SH3BP4: variants seen among roughly 807,000 people sequenced by gnomAD.
The protein encoded by SH3BP4 is SH3 domain-binding protein 4.
SH3BP4 carries 33 observed loss-of-function variants against 65.5 expected under a neutral mutation model. That is an observed-to-expected ratio of 0.50 (90% CI 0.38 to 0.67). The LOEUF is 0.67. Ranked by LOEUF, SH3BP4 falls within the 30% of genes least tolerant of loss-of-function variation. The pLI, the probability that SH3BP4 is intolerant of heterozygous loss-of-function variation, is 0.00. For missense variants in SH3BP4, 1,134 were observed against 1,261.4 expected, an observed-to-expected ratio of 0.90 and a Z score of 1.53; for synonymous variants, 552 against 545.5, an observed-to-expected ratio of 1.01 and a Z score of -0.17.
chr2:234,982,659 C>T (rs781454570), intron 1 of SH3BP4, among the ~76,000 whole-genome samples: 9 of 152,010 alleles, frequency 5.9e-5, no homozygotes, highest in Non-Finnish European at 1.0e-4. Flanking sequence ...AGTTTTTGCA[C>T]AGGCAGGGAG....
intron 1 of SH3BP4, among the ~76,000 whole-genome samples, chr2:234,990,415 C>T (rs1693712655): frequency 6.6e-6 from 1 of 152,224 alleles, no homozygotes. Context: ...CAACACCAGC[C>T]TAACATTGCT....
intron 2 of SH3BP4, among the ~76,000 whole-genome samples, chr2:235,022,064 C>T (rs886161936): frequency 3.3e-5 from 5 of 152,036 alleles, no homozygotes; most frequent in Admixed American, 6.6e-5. Context: ...TCAAGGGAGG[C>T]CTTTCTGTGC....
chr2:234,998,348 C>A (rs932742177), intron 2 of SH3BP4, among the ~76,000 whole-genome samples: 2 of 151,848 alleles, frequency 1.3e-5, no homozygotes, highest in Non-Finnish European at 2.9e-5. Context: ...AATTTTTTTT[C>A]TTGGGATTGT....
At position 235,042,641 on chromosome 2, in the gene SH3BP4, G is replaced by T. The variant is rs1474415523; in HGVS notation, c.1872G>T (p.Arg624Ser). Residue 624 changes from arginine to serine, a missense_variant, in exon 4 of 6, where the codon AGG becomes AGT. Transcript: ENST00000392011. This position sits in a 1 kb window ranked among gnomAD's most constrained non-coding sequence, Gnocchi z 7.3. ...KSAIKPSGQR[R>S]FLKKNEVGKI... ...CCATCAAGCCTTCCGGGCAAAGGAGGTTTCTCAAGAAGAACGAAGTCGGGA... is the reference window on the plus strand; with the variant it reads ...CCATCAAGCCTTCCGGGCAAAGGAGTTTTCTCAAGAAGAACGAAGTCGGGA... 1 of 1,614,146 alleles carries T rather than the reference G, an allele frequency of 6.2e-7. No homozygotes were observed. The highest frequency in any genetic ancestry group is 1.3e-5 in the African/African-American group (1 of 75,046).
At chr2:234,970,107 TCACA>T (rs1230424470) in intron 1 of SH3BP4, among the ~76,000 whole-genome samples, 2 of 151,274 alleles carry the variant, frequency 1.3e-5, no homozygotes, top group South Asian at 2.1e-4. Context: ...ATACACTCAC[TCACA>T]CACACTCTCA....
At chr2:234,982,042 G>T (rs573086108) in intron 1 of SH3BP4, among the ~76,000 whole-genome samples, 30 of 152,246 alleles carry the variant, frequency 2.0e-4, no homozygotes, top group Admixed American at 3.9e-4. Context: ...GGTCCAGGTT[G>T]AGCAAATACA....
rs147135568 is a variant in SH3BP4 at position 234,974,351 on chromosome 2, G to A, written c.-206-20952G>A. Among the ~76,000 whole-genome samples, 916 of 151,972 alleles carry A rather than the reference G, an allele frequency of 6.0e-3. 10 individuals are homozygous for A. The highest frequency in any genetic ancestry group is 0.021 in the African/African-American group (864 of 41,416). ...TTGCACTCCAGCCTGGGCAAAGAGC[G>A]AAACTCTGTCTAAAAAAAAATAAAT... On this transcript the variant is annotated intron_variant, in intron 1 of 5. Coordinates refer to ENST00000392011, the MANE Select transcript of SH3BP4 (RefSeq NM_014521.3). The surrounding 1 kb of genome is among the most constrained non-coding windows in gnomAD (Gnocchi z 4.6).
At chr2:234,975,339 G>T (rs1236938517) in intron 1 of SH3BP4, among the ~76,000 whole-genome samples, 1 of 152,158 alleles carries the variant, frequency 6.6e-6, no homozygotes, top group Non-Finnish European at 1.5e-5. Flanking sequence ...GCCTGGCGAG[G>T]TGCAGGCACT....
Position 235,045,840 on chromosome 2 carries a change from G to A in SH3BP4, c.2478+2593G>A, listed in dbSNP as rs893121381. ...GCCTCTCATTTTTAGCATAGCTTTCGGTGTCCTTGTTCTGATGCCTTGGGT... is the reference window on the plus strand; with the variant it reads ...GCCTCTCATTTTTAGCATAGCTTTCAGTGTCCTTGTTCTGATGCCTTGGGT... On this transcript the variant is annotated intron_variant, in intron 4 of 5. Coordinates refer to ENST00000392011, the MANE Select transcript of SH3BP4 (RefSeq NM_014521.3). This position sits in a 1 kb window ranked among gnomAD's most constrained non-coding sequence, Gnocchi z 4.3. Among the ~76,000 whole-genome samples the A allele has an allele frequency of 6.6e-6, 1 of 152,112 alleles. No individual in the cohort carries two copies. The highest frequency in any genetic ancestry group is 1.5e-5 in the Non-Finnish European group (1 of 68,026).
intron 1 of SH3BP4, among the ~76,000 whole-genome samples, chr2:234,988,730 T>C (rs1255341411): frequency 6.6e-6 from 1 of 152,136 alleles, no homozygotes; most frequent in Non-Finnish European, 1.5e-5. Context: ...GGGGGACGCA[T>C]GAACAGGTGA....
intron 2 of SH3BP4, among the ~76,000 whole-genome samples, chr2:235,021,974 C>A (rs950004566): frequency 6.6e-6 from 1 of 152,002 alleles, no homozygotes; most frequent in Admixed American, 6.5e-5. Flanking sequence ...AAAATAAATT[C>A]TTTGTACATT....
intron 1 of SH3BP4, among the ~76,000 whole-genome samples, chr2:234,983,891 C>T (rs1484174881): frequency 1.3e-5 from 2 of 152,220 alleles, no homozygotes; most frequent in Non-Finnish European, 2.9e-5. Flanking sequence ...GTCGTCAGCC[C>T]AGTGGGCCTG....
At chr2:235,040,481 C>T (rs1039911452) in intron 3 of SH3BP4, among the ~76,000 whole-genome samples, 2 of 151,492 alleles carry the variant, frequency 1.3e-5, no homozygotes, top group Non-Finnish European at 1.5e-5. Flanking sequence ...TCACCTAACT[C>T]ACCGTGTCAC....
At position 235,046,222 on chromosome 2, in the gene SH3BP4, C is replaced by T. The variant is rs1459347556; in HGVS notation, c.2478+2975C>T. Among the ~76,000 whole-genome samples, 1 of 152,210 alleles carries T rather than the reference C, an allele frequency of 6.6e-6. No individual in the cohort carries two copies. Among genetic ancestry groups the T allele is most frequent in the Admixed American group, 6.5e-5 (1 of 15,278 alleles). ...CGTCTCTCCAGGACGTCCTTCTCTG[C>T]AGCCCCGCGCACTCCATCATCCTCT... On this transcript the variant is annotated intron_variant, in intron 4 of 5. Transcript: ENST00000392011. The surrounding 1 kb of genome is among the most constrained non-coding windows in gnomAD (Gnocchi z 4.2).
rs760476502 is a variant in SH3BP4 at position 235,042,533 on chromosome 2, G to A, written c.1764G>A (p.Thr588=). ...ACCCCAACGAGCTCTCTGACTTCAC[G>A]CTGCGGGTTCAGGTGAAGGACGACC... ...SQNPNELSDF[T]LRVQVKDDQE... is the part of the protein sequence containing the mutation. Residue 588 remains threonine, a synonymous_variant, in exon 4 of 6, where the codon ACG becomes ACA. Coordinates refer to ENST00000392011, the MANE Select transcript of SH3BP4 (RefSeq NM_014521.3). The surrounding 1 kb of genome is among the most constrained non-coding windows in gnomAD (Gnocchi z 7.3). The A allele has an allele frequency of 2.1e-5, 34 of 1,614,044 alleles. No homozygotes were observed. Among genetic ancestry groups the A allele is most frequent in the Non-Finnish European group, 2.5e-5 (30 of 1,180,038 alleles).
At chr2:234,987,549 T>A (rs978852661) in intron 1 of SH3BP4, among the ~76,000 whole-genome samples, 2 of 152,202 alleles carry the variant, frequency 1.3e-5, no homozygotes, top group Admixed American at 1.3e-4. Flanking sequence ...GACCCTTCAT[T>A]CCCCAGGCCG....
At position 235,045,917 on chromosome 2, in the gene SH3BP4, T is replaced by A. The variant is rs1176781102; in HGVS notation, c.2478+2670T>A. Among the ~76,000 whole-genome samples, 1 of 152,166 alleles carries A rather than the reference T, an allele frequency of 6.6e-6. No individual in the cohort carries two copies. The highest frequency in any genetic ancestry group is 1.5e-5 in the Non-Finnish European group (1 of 68,028). ...AAATGTGAGAGTTTGAGACAGTCAG[T>A]GTGCAGGGAGATGGGAAGGAAAAAG... On this transcript the variant is annotated intron_variant, in intron 4 of 5. Coordinates refer to ENST00000392011, the MANE Select transcript of SH3BP4 (RefSeq NM_014521.3). The surrounding 1 kb of genome is among the most constrained non-coding windows in gnomAD (Gnocchi z 4.3).
At chr2:234,956,759 A>G (rs980342303) in intron 1 of SH3BP4, among the ~76,000 whole-genome samples, 4 of 151,554 alleles carry the variant, frequency 2.6e-5, no homozygotes, top group African/African-American at 9.7e-5. Context: ...GGGTTTCGCT[A>G]TGTTGTCCAG....
intron 1 of SH3BP4, among the ~76,000 whole-genome samples, chr2:234,980,695 C>G (rs1180476673): frequency 6.6e-6 from 1 of 152,112 alleles, no homozygotes; most frequent in Non-Finnish European, 1.5e-5. Context: ...GCCCAGGCTC[C>G]TCCGCATGCT....
Sources: gnomAD v4.1 joint callset for allele counts (sites outside exome capture counted in the v4.1 genomes callset) on GRCh38, gnomAD v4.1.1 for gene constraint, Gnocchi (gnomAD v3.1) non-coding constraint, MANE v1.5 for transcripts, NCBI Gene and HGNC (gene_info 2026-07-23, HGNC 2026-07-21) for gene names.